Variants in CGGBP1 observed in about 807,000 individuals in gnomAD.
CGGBP1 encodes CGG triplet repeat-binding protein 1.
CGGBP1 carries 4 observed loss-of-function variants against 11.4 expected under a neutral mutation model. The observed-to-expected ratio is 0.35, with a 90% CI of 0.17 to 0.80. CGGBP1 has a LOEUF of 0.80. Among genes scored for constraint, CGGBP1 ranks in the 30% least tolerant of loss-of-function variants. The pLI, the probability that CGGBP1 is intolerant of heterozygous loss-of-function variation, is 0.52. For synonymous variants in CGGBP1, 76 were observed against 74.1 expected (o/e 1.03, Z -0.13); for missense variants, 135 against 202.1 (o/e 0.67, Z 2.01).
chr3:88,069,514 A>T (rs1707389434), intron 2 of CGGBP1, among the ~76,000 whole-genome samples: 1 of 152,224 alleles, frequency 6.6e-6, no homozygotes, highest in South Asian at 2.1e-4. Flanking sequence ...TGGCTCAGTT[A>T]TAACTTTTCT....
intron 2 of CGGBP1, among the ~76,000 whole-genome samples, chr3:88,115,237 T>TGA (rs1161909046): frequency 6.6e-6 from 1 of 152,180 alleles, no homozygotes; most frequent in Non-Finnish European, 1.5e-5. Context: ...AACCACACTT[T>TGA]GAATACCAAG....
At chr3:88,100,420 C>T (rs1323197806) in intron 2 of CGGBP1, among the ~76,000 whole-genome samples, 3 of 152,142 alleles carry the variant, frequency 2.0e-5, no homozygotes, top group Non-Finnish European at 4.4e-5. Flanking sequence ...TGTGGCAATT[C>T]CTCAGGGATG....
intron 2 of CGGBP1, among the ~76,000 whole-genome samples, chr3:88,117,093 C>T (rs777281410): frequency 7.2e-5 from 11 of 152,070 alleles, no homozygotes; most frequent in Non-Finnish European, 1.2e-4. Flanking sequence ...CCCGAAAGAA[C>T]ATACAGAGGT....
At chr3:88,135,360 C>T (rs1576348915) in intron 2 of CGGBP1, 1 of 470,204 alleles carries the variant, frequency 2.1e-6, no homozygotes, top group East Asian at 3.6e-5. Flanking sequence ...GCCCTAACTC[C>T]AAACTCTCAA....
chr3:88,072,271 C>A (rs1316173898), intron 2 of CGGBP1, among the ~76,000 whole-genome samples: 2 of 152,118 alleles, frequency 1.3e-5, no homozygotes, highest in African/African-American at 4.8e-5. Flanking sequence ...TATTTTATTT[C>A]CCTGTTGCCA....
At chr3:88,128,513 CAT>C (rs543361326) in intron 2 of CGGBP1, among the ~76,000 whole-genome samples, 3 of 151,916 alleles carry the variant, frequency 2.0e-5, no homozygotes, top group Non-Finnish European at 2.9e-5. Context: ...CATATTTTAA[CAT>C]ATTAATGAAC....
At chr3:88,072,007 A>C (rs1454517154) in intron 2 of CGGBP1, among the ~76,000 whole-genome samples, 1 of 152,216 alleles carries the variant, frequency 6.6e-6, no homozygotes. Flanking sequence ...CAATCAGTTG[A>C]ATATCCTTAG....
At chr3:88,104,887 C>A (rs1482943249) in intron 2 of CGGBP1, among the ~76,000 whole-genome samples, 1 of 152,270 alleles carries the variant, frequency 6.6e-6, no homozygotes, top group African/African-American at 2.4e-5. Context: ...GCCTGTAATC[C>A]CAGCACTTTG....
chr3:88,144,410 AAC>A (rs1707260492), intron 1 of CGGBP1: 1 of 152,424 alleles, frequency 6.6e-6, no homozygotes, highest in South Asian at 2.1e-4. Context: ...GGTACTGTAA[AAC>A]ACCTTTTCAG....
chr3:88,100,824 C>G (rs4241551), intron 2 of CGGBP1, among the ~76,000 whole-genome samples: 119,003 of 151,872 alleles, frequency 0.78, 47,537 homozygotes, highest in South Asian at 0.91. Context: ...GTGGGGAAAG[C>G]GGGGAGGGAT....
At position 88,081,829 on chromosome 3, in the gene CGGBP1, C is replaced by T. The variant is rs144725854; in HGVS notation, c.-228-23606G>A. ...TGGTATTTAGAGGCCAAGATTTGGGCACTAAGTGTGTTTACTGTTGCTGTA... is the reference window on the plus strand; with the variant it reads ...TGGTATTTAGAGGCCAAGATTTGGGTACTAAGTGTGTTTACTGTTGCTGTA... On this transcript the variant is annotated intron_variant, in intron 2 of 3. Coordinates refer to the CGGBP1 transcript ENST00000462901. Among the ~76,000 whole-genome samples the T allele has an allele frequency of 5.3e-3, 814 of 152,234 alleles. 5 individuals carry two copies. Among genetic ancestry groups the T allele is most frequent in the African/African-American group, 0.017 (699 of 41,520 alleles).
At chr3:88,135,250 C>A in intron 2 of CGGBP1, 1 of 1,315,936 alleles carries the variant, frequency 7.6e-7, no homozygotes, top group Non-Finnish European at 9.8e-7. Flanking sequence ...AGTGACAGTT[C>A]ACTGAAACTT....
intron 2 of CGGBP1, among the ~76,000 whole-genome samples, chr3:88,088,839 C>G (rs1323983524): frequency 1.3e-5 from 2 of 151,866 alleles, no homozygotes; most frequent in Non-Finnish European, 2.9e-5. Context: ...GTGGCATGAT[C>G]TCGGCTCACT....
chr3:88,139,352 G>T, intron 2 of CGGBP1: 1 of 1,611,892 alleles, frequency 6.2e-7, no homozygotes, highest in Non-Finnish European at 8.5e-7. Flanking sequence ...ACATTGTAAG[G>T]CATGCCCAGG....
At chr3:88,093,129 A>G (rs1323284944) in intron 2 of CGGBP1, among the ~76,000 whole-genome samples, 8 of 152,200 alleles carry the variant, frequency 5.3e-5, no homozygotes, top group Admixed American at 4.6e-4. Context: ...TTTGTAGATA[A>G]GAAAACTGAA....
intron 2 of CGGBP1, among the ~76,000 whole-genome samples, chr3:88,117,895 C>CT (rs1329159111): frequency 6.6e-6 from 1 of 151,284 alleles, no homozygotes; most frequent in Admixed American, 6.6e-5. Context: ...TCTAGACACA[C>CT]TGAGTTTTAA....
At chr3:88,118,845 A>G (rs2107790309) in intron 2 of CGGBP1, among the ~76,000 whole-genome samples, 1 of 152,188 alleles carries the variant, frequency 6.6e-6, no homozygotes, top group South Asian at 2.1e-4. Flanking sequence ...ATACCATCTC[A>G]CACCAGTTAG....
intron 2 of CGGBP1, among the ~76,000 whole-genome samples, chr3:88,094,233 TA>T (rs893815539): frequency 6.6e-6 from 1 of 152,120 alleles, no homozygotes; most frequent in African/African-American, 2.4e-5. Flanking sequence ...AAGTCAATAT[TA>T]AAAAACTCTT....
At chr3:88,098,817 G>A (rs1490529271) in intron 2 of CGGBP1, among the ~76,000 whole-genome samples, 1 of 152,090 alleles carries the variant, frequency 6.6e-6, no homozygotes, top group Non-Finnish European at 1.5e-5. Context: ...AATAAATTAG[G>A]TATTGATGGG....
Sources: gnomAD v4.1 joint callset for allele counts (sites outside exome capture counted in the v4.1 genomes callset) on GRCh38, gnomAD v4.1.1 for gene constraint, MANE v1.5 for transcripts, NCBI Gene and HGNC (gene_info 2026-07-23, HGNC 2026-07-21) for gene names.